The following PHF14 variants were observed in gnomAD, a reference collection of about 807,000 sequenced individuals.
PHF14 encodes the protein PHD finger protein 14.
A neutral mutation model predicts 117.9 loss-of-function variants in PHF14; 55 were observed. The observed-to-expected ratio is 0.47, with a 90% confidence interval of 0.38 to 0.58. The LOEUF is 0.58. PHF14 is among the 20% of genes least tolerant of loss of function. The pLI is 0.00. For synonymous variants in PHF14, 409 were observed against 368.6 expected, an observed-to-expected ratio of 1.11 and a Z score of -1.26; for missense variants, 978 against 1,122.2, an observed-to-expected ratio of 0.87 and a Z score of 1.84.
At chr7:11,098,096 T>A (rs1346470800) in intron 16 of PHF14, among the ~76,000 whole-genome samples, 1 of 152,056 alleles carries the variant, frequency 6.6e-6, no homozygotes, top group Non-Finnish European at 1.5e-5. Context: ...ATTATAAAAA[T>A]TTATATACAA....
chr7:11,007,412 AT>A (rs527679772), intron 4 of PHF14, among the ~76,000 whole-genome samples: 18 of 151,844 alleles, frequency 1.2e-4, no homozygotes, highest in African/African-American at 3.9e-4. Context: ...ACACCTGTAG[AT>A]TTTTTTTCCC....
intron 17 of PHF14, among the ~76,000 whole-genome samples, chr7:11,149,645 A>G (rs969224263): frequency 1.3e-5 from 2 of 152,150 alleles, no homozygotes; most frequent in Non-Finnish European, 2.9e-5. Flanking sequence ...ATTCCTTTTA[A>G]TCAGTCTTGA....
chr7:11,000,077 T>G (rs1371327757), intron 4 of PHF14, among the ~76,000 whole-genome samples: 1 of 152,188 alleles, frequency 6.6e-6, no homozygotes, highest in African/African-American at 2.4e-5. Flanking sequence ...AATCTTTATT[T>G]TGTATAATTA....
intron 14 of PHF14, among the ~76,000 whole-genome samples, chr7:11,052,874 T>C (rs994527002): frequency 6.6e-6 from 1 of 152,180 alleles, no homozygotes; most frequent in Non-Finnish European, 1.5e-5. Context: ...AAATCATTTA[T>C]GTTCATGTTT....
intron 17 of PHF14, among the ~76,000 whole-genome samples, chr7:11,131,631 A>ATG (rs1788092004): frequency 6.6e-6 from 1 of 151,848 alleles, no homozygotes; most frequent in Non-Finnish European, 1.5e-5. Context: ...GAAGTTTTTA[A>ATG]TGTTAATGAA....
chr7:11,024,799 A>G (rs537152274), intron 6 of PHF14, among the ~76,000 whole-genome samples: 1 of 152,176 alleles, frequency 6.6e-6, no homozygotes, highest in Non-Finnish European at 1.5e-5. Context: ...ATGAAGTACA[A>G]GGAGATTAAT....
At chr7:10,986,286 T>G (rs1782225355) in intron 3 of PHF14, among the ~76,000 whole-genome samples, 2 of 152,012 alleles carry the variant, frequency 1.3e-5, no homozygotes, top group Non-Finnish European at 2.9e-5. Context: ...ACATAGCCCC[T>G]TTACAGTTTT....
intron 17 of PHF14, among the ~76,000 whole-genome samples, chr7:11,159,442 G>A (rs955126249): frequency 9.2e-5 from 14 of 151,778 alleles, no homozygotes; most frequent in African/African-American, 2.7e-4. Context: ...CAATTAAATG[G>A]CCAAAGATGA....
chr7:11,157,181 C>T (rs1788887544), intron 17 of PHF14, among the ~76,000 whole-genome samples: 1 of 152,098 alleles, frequency 6.6e-6, no homozygotes, highest in Admixed American at 6.6e-5. Flanking sequence ...TTCTGCAACA[C>T]CTTGCTTAGT....
At chr7:11,034,243 T>C (rs2128321734) in intron 7 of PHF14, among the ~76,000 whole-genome samples, 1 of 152,270 alleles carries the variant, frequency 6.6e-6, no homozygotes, top group East Asian at 1.9e-4. Context: ...GAGACACTTT[T>C]GACATAACTT....
At chr7:11,157,320 A>G (rs981133334) in intron 17 of PHF14, among the ~76,000 whole-genome samples, 22 of 152,246 alleles carry the variant, frequency 1.4e-4, no homozygotes, top group African/African-American at 4.6e-4. Context: ...AAAGGACTAA[A>G]TGTATTCCAT....
intron 4 of PHF14, among the ~76,000 whole-genome samples, chr7:10,993,654 G>C (rs1469367329): frequency 6.6e-6 from 1 of 152,116 alleles, no homozygotes; most frequent in Non-Finnish European, 1.5e-5. Context: ...GTAGGACAAG[G>C]AGTATAGGAA....
At position 11,019,410 on chromosome 7, in the gene PHF14, A is replaced by G. The variant is rs139483579; in HGVS notation, c.1206-3458A>G. 3.9e-5 allele frequency among the ~76,000 whole-genome samples: 6 copies of G among 152,230 alleles called. No homozygotes were observed. The East Asian group carries it at 5.8e-4, about 15-fold the overall frequency. On this transcript the variant is annotated intron_variant, in intron 5 of 17. Transcript: ENST00000634607. ...ACCGGGAGACTTTATTATGGCTTCAATCTCGTTACTTGTTATTGGTCTGTA... is the reference window on the plus strand; with the variant it reads ...ACCGGGAGACTTTATTATGGCTTCAGTCTCGTTACTTGTTATTGGTCTGTA...
chr7:11,103,641 T>C (rs1787165537), intron 16 of PHF14: 1 of 985,030 alleles, frequency 1.0e-6, no homozygotes, highest in Non-Finnish European at 1.2e-6. Flanking sequence ...TTAATAAATG[T>C]GGTTTTGGAC....
intron 7 of PHF14, among the ~76,000 whole-genome samples, chr7:11,032,475 GTT>G (rs1784151634): frequency 6.7e-6 from 1 of 149,312 alleles, no homozygotes; most frequent in Non-Finnish European, 1.5e-5. Context: ...TGCTATGTCA[GTT>G]TTACCCAGGG....
intron 17 of PHF14, among the ~76,000 whole-genome samples, chr7:11,143,474 A>G (rs1788456501): frequency 6.6e-6 from 1 of 152,064 alleles, no homozygotes; most frequent in Admixed American, 6.6e-5. Flanking sequence ...GAATTAAGTG[A>G]CAGATCACTT....
At chr7:10,981,232 C>CT (rs931733554) in intron 2 of PHF14, among the ~76,000 whole-genome samples, 1 of 152,124 alleles carries the variant, frequency 6.6e-6, no homozygotes, top group Non-Finnish European at 1.5e-5. Flanking sequence ...AAACACTTTA[C>CT]TTTTTCCACC....
At chr7:11,103,324 G>A in intron 16 of PHF14, 1 of 894,688 alleles carries the variant, frequency 1.1e-6, no homozygotes, top group Non-Finnish European at 1.3e-6. Flanking sequence ...AGCTTTCTGT[G>A]TTCAGTATAA....
At chr7:11,101,816 T>G (rs1432540728) in intron 16 of PHF14, among the ~76,000 whole-genome samples, 1 of 151,876 alleles carries the variant, frequency 6.6e-6, no homozygotes, top group Non-Finnish European at 1.5e-5. Flanking sequence ...TCTAAATGTT[T>G]GAAGGAAATG....
Sources: gnomAD v4.1 joint callset for allele counts (sites outside exome capture counted in the v4.1 genomes callset) on GRCh38, gnomAD v4.1.1 for gene constraint, MANE v1.5 for transcripts, NCBI Gene and HGNC (gene_info 2026-07-23, HGNC 2026-07-21) for gene names.